The following LRRTM3 variants were observed in gnomAD, a reference collection of about 807,000 sequenced individuals.
The protein encoded by LRRTM3 is leucine-rich repeat transmembrane neuronal protein 3.
LRRTM3 carries 24 observed loss-of-function variants against 44.7 expected under a neutral mutation model. The observed-to-expected ratio is 0.54, with a 90% CI of 0.39 to 0.76. The LOEUF (loss-of-function observed/expected upper bound fraction) is 0.76, where lower values mean the gene tolerates loss of function less well. LRRTM3 is among the 30% of genes least tolerant of loss of function. The pLI is 0.00. For synonymous variants in LRRTM3, 277 were observed against 278.7 expected (o/e 0.99, Z 0.06); for missense variants, 587 against 702.2 (o/e 0.84, Z 1.85).
chr10:67,050,191 TG>T (rs1273321748), intron 2 of LRRTM3, among the ~76,000 whole-genome samples: 1 of 152,222 alleles, frequency 6.6e-6, no homozygotes, highest in Non-Finnish European at 1.5e-5. Context: ...GAACATGCCC[TG>T]AAGAATCTGC....
rs189782938 is a variant in LRRTM3 at position 66,955,816 on chromosome 10, T to C, written c.1536+27364T>C. On this transcript the variant is annotated intron_variant, in intron 2 of 2. Coordinates refer to ENST00000361320, the MANE Select transcript of LRRTM3 (RefSeq NM_178011.5). ...ACCCATTCTCCTAGTATTTCTGCCT[T>C]CACAGATGAGGGATTTCAAATTCTT... Among the ~76,000 whole-genome samples the C allele has an allele frequency of 2.5e-4, 38 of 152,298 alleles. 1 individual carries two copies. In the East Asian group the frequency reaches 2.5e-3, roughly 10 times the overall value.
intron 2 of LRRTM3, among the ~76,000 whole-genome samples, chr10:67,058,274 G>A (rs1649765077): frequency 6.6e-6 from 1 of 152,050 alleles, no homozygotes; most frequent in Non-Finnish European, 1.5e-5. Context: ...TACCATATTT[G>A]GTCTTAGTCT....
At chr10:67,052,865 C>A (rs974306683) in intron 2 of LRRTM3, among the ~76,000 whole-genome samples, 1 of 151,996 alleles carries the variant, frequency 6.6e-6, no homozygotes, top group African/African-American at 2.4e-5. Context: ...TATATTAGTC[C>A]TAAATGTAAG....
In LRRTM3 at chr10:66,962,102, T is replaced by C. The variant is rs60204471; in HGVS notation, c.1536+33650T>C. 3.7e-3 allele frequency among the ~76,000 whole-genome samples: 561 copies of C among 152,308 alleles called. 10 individuals are homozygous for C. The East Asian group carries it at 0.053, about 14-fold the overall frequency. On this transcript the variant is annotated intron_variant, in intron 2 of 2. Transcript: ENST00000361320. ...TCCACCTTCACCTCATCTCAAAATG[T>C]GGGCTAGAGTGATCATTTAAAACAT...
chr10:66,992,337 T>C (rs1380727436), intron 2 of LRRTM3, among the ~76,000 whole-genome samples: 1 of 152,150 alleles, frequency 6.6e-6, no homozygotes, highest in South Asian at 2.1e-4. Context: ...ACTGTTTATA[T>C]CCTTTGCCTA....
At chr10:67,045,631 T>G (rs1452527982) in intron 2 of LRRTM3, among the ~76,000 whole-genome samples, 1 of 152,214 alleles carries the variant, frequency 6.6e-6, no homozygotes, top group East Asian at 1.9e-4. Flanking sequence ...CAGACCCCGT[T>G]TCCCAGGACT....
At chr10:66,985,914 G>C (rs183745759) in intron 2 of LRRTM3, among the ~76,000 whole-genome samples, 37 of 152,054 alleles carry the variant, frequency 2.4e-4, no homozygotes, top group African/African-American at 8.9e-4. Context: ...TTTTAGTAGA[G>C]ACAGGGTTTC....
intron 2 of LRRTM3, among the ~76,000 whole-genome samples, chr10:67,042,610 G>C (rs1433806351): frequency 6.6e-6 from 1 of 151,890 alleles, no homozygotes; most frequent in Non-Finnish European, 1.5e-5. Flanking sequence ...GAAGCTAGGA[G>C]GAGAAAGGAA....
chr10:66,972,568 C>T (rs1381438303), intron 2 of LRRTM3, among the ~76,000 whole-genome samples: 1 of 152,048 alleles, frequency 6.6e-6, no homozygotes, highest in Non-Finnish European at 1.5e-5. Flanking sequence ...CAGGCCCATC[C>T]AGATTGTTTT....
chr10:67,084,307 A>G (rs1857193977), intron 2 of LRRTM3, among the ~76,000 whole-genome samples: 1 of 152,098 alleles, frequency 6.6e-6, no homozygotes, highest in Non-Finnish European at 1.5e-5. Context: ...AGGAAAAATA[A>G]TAGGAAGAAA....
intron 2 of LRRTM3, among the ~76,000 whole-genome samples, chr10:66,967,108 A>G (rs981924101): frequency 1.3e-5 from 2 of 152,076 alleles, no homozygotes; most frequent in Admixed American, 1.3e-4. Flanking sequence ...AGGAACGTTG[A>G]TGGTTCTGCT....
At chr10:67,056,398 G>A (rs377580245) in intron 2 of LRRTM3, among the ~76,000 whole-genome samples, 6 of 152,180 alleles carry the variant, frequency 3.9e-5, no homozygotes, top group Admixed American at 6.5e-5. Context: ...AGGAATGCTC[G>A]TACTACCCAT....
In LRRTM3 at chr10:67,051,406, A is replaced by T. The variant is rs183254035; in HGVS notation, c.1537-46181A>T. Among the ~76,000 whole-genome samples, 6 of 152,236 alleles carry T rather than the reference A, an allele frequency of 3.9e-5. No homozygotes were observed. The East Asian group carries it at 1.2e-3, about 29-fold the overall frequency. On this transcript the variant is annotated intron_variant, in intron 2 of 2. Transcript: ENST00000361320. ...TTTCCCTTGGACATTTTAACAGCTA[A>T]TAAGCCAAGAAATGCTATCTAATTT...
intron 2 of LRRTM3, among the ~76,000 whole-genome samples, chr10:66,996,649 CAAAAA>C (rs57025097): frequency 3.0e-5 from 2 of 67,644 alleles, no homozygotes; most frequent in East Asian, 6.5e-4. Context: ...TCCGTCTCTA[CAAAAA>C]AAAAAAAAAA....
At chr10:66,965,251 T>A (rs1849336206) in intron 2 of LRRTM3, among the ~76,000 whole-genome samples, 1 of 150,622 alleles carries the variant, frequency 6.6e-6, no homozygotes. Flanking sequence ...TTTGTTTGTT[T>A]TTTGGCTCGG....
At chr10:66,945,123 C>T (rs188799610) in intron 2 of LRRTM3, among the ~76,000 whole-genome samples, 7 of 152,272 alleles carry the variant, frequency 4.6e-5, no homozygotes, top group African/African-American at 1.7e-4. Context: ...TCCTTTGGAG[C>T]TTTGAGGCCA....
chr10:66,982,049 G>A (rs1181789831), intron 2 of LRRTM3, among the ~76,000 whole-genome samples: 3 of 152,066 alleles, frequency 2.0e-5, no homozygotes, highest in African/African-American at 7.2e-5. Flanking sequence ...ATGAGGCAAG[G>A]GGCTCCATAC....
At chr10:67,047,586 T>A (rs1854833698) in intron 2 of LRRTM3, among the ~76,000 whole-genome samples, 1 of 152,268 alleles carries the variant, frequency 6.6e-6, no homozygotes, top group African/African-American at 2.4e-5. Context: ...TTTACCTTCA[T>A]CGTTTCAGGC....
At chr10:67,081,579 C>T (rs79448097) in intron 2 of LRRTM3, among the ~76,000 whole-genome samples, 1 of 152,182 alleles carries the variant, frequency 6.6e-6, no homozygotes, top group African/African-American at 2.4e-5. Flanking sequence ...TATCTGACTT[C>T]AGGCTCTCAT....
Sources: allele counts gnomAD v4.1 joint callset (sites outside exome capture counted in the v4.1 genomes callset), GRCh38; gene constraint gnomAD v4.1.1; transcripts MANE v1.5; gene names NCBI Gene and HGNC (gene_info 2026-07-23, HGNC 2026-07-21).